Variants in TNIP3 observed in about 807,000 individuals in gnomAD.
TNIP3 encodes the protein TNFAIP3-interacting protein 3.
TNIP3 carries 34 observed loss-of-function variants against 54.1 expected under a neutral mutation model. The ratio of observed to expected loss-of-function variants is 0.63; its 90% CI spans 0.48 to 0.84. TNIP3 has a LOEUF of 0.84. Ranked by LOEUF, TNIP3 falls within the 40% of genes least tolerant of loss-of-function variation. TNIP3 has a pLI of 0.00. For missense variants in TNIP3, 366 were observed against 387.6 expected (o/e 0.94, Z 0.47); for synonymous variants, 134 against 136.8 (o/e 0.98, Z 0.14).
At chr4:121,143,654 G>A (rs1380505600) in intron 7 of TNIP3, among the ~76,000 whole-genome samples, 1 of 152,172 alleles carries the variant, frequency 6.6e-6, no homozygotes, top group Non-Finnish European at 1.5e-5. Context: ...CTGCTCCTAG[G>A]AGAAATGTTG....
At chr4:121,221,140 T>C (rs1560701661), upstream of TNIP3, among the ~76,000 whole-genome samples, 1 of 152,224 alleles carries the variant, frequency 6.6e-6, no homozygotes, top group East Asian at 1.9e-4. Context: ...ATGGACAACA[T>C]TTTGAGATCC....
At chr4:121,165,682 T>C (rs1730725192), upstream of TNIP3, among the ~76,000 whole-genome samples, 1 of 152,046 alleles carries the variant, frequency 6.6e-6, no homozygotes, top group African/African-American at 2.4e-5. Context: ...TGTGTGTGTG[T>C]GTGTGTGTGT....
At chr4:121,217,718 A>AT (rs1345049171), upstream of TNIP3, among the ~76,000 whole-genome samples, 14 of 152,364 alleles carry the variant, frequency 9.2e-5, no homozygotes, top group African/African-American at 3.4e-4. Context: ...AGTGACTGCA[A>AT]TAAGTGTCCA....
chr4:121,222,811 T>TTTGTTTTG (rs1727086871), intron 1 of TNIP3, among the ~76,000 whole-genome samples: 1 of 142,848 alleles, frequency 7.0e-6, no homozygotes, highest in African/African-American at 2.6e-5. Context: ...TGCGTTTTTT[T>TTTGTTTTG]TTTTTTTTTT....
At chr4:121,153,055 G>C (rs1729856231) in intron 5 of TNIP3, among the ~76,000 whole-genome samples, 1 of 152,088 alleles carries the variant, frequency 6.6e-6, no homozygotes, top group East Asian at 1.9e-4. Flanking sequence ...ATTTTAATTA[G>C]GACAGCCAGA....
intron 6 of TNIP3, among the ~76,000 whole-genome samples, chr4:121,148,116 G>A (rs1378087499): frequency 6.6e-6 from 1 of 152,148 alleles, no homozygotes; most frequent in Non-Finnish European, 1.5e-5. Context: ...ATTACCAGAG[G>A]CATTTTAAAT....
chr4:121,157,642 A>G (rs1167926405), intron 3 of TNIP3, among the ~76,000 whole-genome samples: 3 of 152,124 alleles, frequency 2.0e-5, no homozygotes. Flanking sequence ...CACCAGAGAA[A>G]AACAGACATG....
exon 1 of TNIP3, chr4:121,227,444 G>T (rs896840517): frequency 2.7e-6 from 4 of 1,457,284 alleles, no homozygotes; most frequent in Admixed American, 2.0e-5. Flanking sequence ...GGTCTAATAC[G>T]GAGACCTGTC....
At position 121,211,761 on chromosome 4, in the gene TNIP3, G is replaced by T. The variant is rs115488966; in HGVS notation, c.68+4654C>A. On this transcript the variant is annotated intron_variant, in intron 2 of 12. Coordinates refer to the TNIP3 transcript ENST00000507879. ...AATTATCAACTCAGAGATGTTTTCA[G>T]CATAAACTCTGAAGCCTTCTGCAAA... is the stretch of plus-strand genomic sequence containing the variant. Among the ~76,000 whole-genome samples, 1,280 of 152,292 alleles carry T rather than the reference G, an allele frequency of 8.4e-3. 17 individuals carry two copies. Among genetic ancestry groups the T allele is most frequent in the African/African-American group, 0.03 (1,237 of 41,554 alleles).
intron 3 of TNIP3, among the ~76,000 whole-genome samples, chr4:121,176,395 C>A (rs1724341141): frequency 6.6e-6 from 1 of 151,698 alleles, no homozygotes; most frequent in African/African-American, 2.4e-5. Context: ...AAAAATAGAT[C>A]AAAACATTCC....
chr4:121,201,847 A>T (rs1476310907), intron 2 of TNIP3, among the ~76,000 whole-genome samples: 1 of 152,204 alleles, frequency 6.6e-6, no homozygotes, highest in African/African-American at 2.4e-5. Flanking sequence ...CCAACATTGA[A>T]ATCATATAAT....
At chr4:121,222,714 A>G (rs1157562843) in intron 1 of TNIP3, among the ~76,000 whole-genome samples, 2 of 152,100 alleles carry the variant, frequency 1.3e-5, no homozygotes, top group Non-Finnish European at 2.9e-5. Flanking sequence ...TTTATGGGAC[A>G]TAAATGTTAT....
At chr4:121,202,670 A>G (rs544698047) in intron 2 of TNIP3, among the ~76,000 whole-genome samples, 2 of 152,262 alleles carry the variant, frequency 1.3e-5, no homozygotes, top group Middle Eastern at 3.4e-3. Context: ...AATCTTCACA[A>G]TCTACACATG....
chr4:121,218,628 C>A (rs1726902526), upstream of TNIP3, among the ~76,000 whole-genome samples: 1 of 151,300 alleles, frequency 6.6e-6, no homozygotes, highest in Non-Finnish European at 1.5e-5. Flanking sequence ...TCTTCTCCCT[C>A]TCCCTCTCTC....
chr4:121,165,405 T>G (rs1730706575), upstream of TNIP3, among the ~76,000 whole-genome samples: 2 of 152,044 alleles, frequency 1.3e-5, no homozygotes, highest in Admixed American at 1.3e-4. Flanking sequence ...CCATCCAACC[T>G]TATGACGGGG....
intron 10 of TNIP3, among the ~76,000 whole-genome samples, chr4:121,134,451 A>G (rs1301144997): frequency 6.6e-6 from 1 of 152,232 alleles, no homozygotes; most frequent in Non-Finnish European, 1.5e-5. Context: ...CAAGATGAAA[A>G]TGTTCTTTGT....
At chr4:121,175,571 C>T (rs1298066567) in intron 3 of TNIP3, among the ~76,000 whole-genome samples, 2 of 152,284 alleles carry the variant, frequency 1.3e-5, no homozygotes, top group African/African-American at 4.8e-5. Flanking sequence ...CTTACATCTT[C>T]CAAAAGACAA....
chr4:121,174,285 A>G (rs1724171717), intron 3 of TNIP3, among the ~76,000 whole-genome samples: 1 of 152,130 alleles, frequency 6.6e-6, no homozygotes, highest in South Asian at 2.1e-4. Context: ...GACACCTATA[A>G]TCCGACCACT....
intron 2 of TNIP3, among the ~76,000 whole-genome samples, chr4:121,185,255 C>T (rs534942232): frequency 6.6e-6 from 1 of 152,318 alleles, no homozygotes; most frequent in African/African-American, 2.4e-5. Flanking sequence ...CTTTATGGAA[C>T]ATGCCAAGCA....
Sources: allele counts gnomAD v4.1 joint callset (sites outside exome capture counted in the v4.1 genomes callset), GRCh38; gene constraint gnomAD v4.1.1; transcripts MANE v1.5; gene names NCBI Gene and HGNC (gene_info 2026-07-23, HGNC 2026-07-21).